CES5A: variants seen among roughly 807,000 people sequenced by gnomAD.
CES5A encodes carboxylesterase 5.
A neutral mutation model predicts 62.9 loss-of-function variants in CES5A; 67 were observed. The observed-to-expected ratio is 1.07, with a 90% confidence interval of 0.88 to 1.31. The LOEUF (loss-of-function observed/expected upper bound fraction) is 1.31. Ranked by LOEUF, CES5A falls within the 50% of genes most tolerant of loss-of-function variation. CES5A has a pLI of 0.00. For missense variants in CES5A, 748 were observed against 708.5 expected (o/e 1.06, Z -0.63); for synonymous variants, 296 against 280.8 (o/e 1.05, Z -0.54).
intron 1 of CES5A, among the ~76,000 whole-genome samples, chr16:55,919,207 C>T (rs892999358): frequency 6.6e-6 from 1 of 152,262 alleles, no homozygotes; most frequent in Non-Finnish European, 1.5e-5. Flanking sequence ...TCCCTTCCTT[C>T]ATGGCCTTCA....
intron 2 of CES5A, chr16:55,944,109 A>C: frequency 1.4e-6 from 1 of 702,136 alleles, no homozygotes. Context: ...CTGTCCAAGG[A>C]GACTTCAAGG....
chr16:55,871,380 G>A (rs564162648), intron 3 of CES5A, among the ~76,000 whole-genome samples: 2 of 152,104 alleles, frequency 1.3e-5, no homozygotes, highest in African/African-American at 2.4e-5. Flanking sequence ...CACTAAATAC[G>A]CAACAGAGGG....
chr16:55,873,238 G>T (rs1220983092), intron 2 of CES5A, among the ~76,000 whole-genome samples: 1 of 152,128 alleles, frequency 6.6e-6, no homozygotes, highest in African/African-American at 2.4e-5. Context: ...TTGGAAATCT[G>T]CAGTGACCAG....
At chr16:55,879,984 C>T (rs549369356), upstream of CES5A, among the ~76,000 whole-genome samples, 88 of 152,360 alleles carry the variant, frequency 5.8e-4, no homozygotes, top group Non-Finnish European at 1.1e-3. Flanking sequence ...GGCCTCCTCT[C>T]TAGAATCATT....
At chr16:55,899,091 A>G (rs897432070) in intron 1 of CES5A, among the ~76,000 whole-genome samples, 8 of 152,220 alleles carry the variant, frequency 5.3e-5, no homozygotes, top group African/African-American at 1.9e-4. Flanking sequence ...AGGTTTGTTT[A>G]CCACCAGCAA....
At chr16:55,874,325 C>T (rs930609246) in intron 1 of CES5A, among the ~76,000 whole-genome samples, 22 of 152,248 alleles carry the variant, frequency 1.4e-4, no homozygotes, top group African/African-American at 4.6e-4. Context: ...CTGCTGAGAG[C>T]GCTTTCTTTC....
intron 1 of CES5A, among the ~76,000 whole-genome samples, chr16:55,900,650 C>G (rs943431389): frequency 2.0e-5 from 3 of 152,152 alleles, no homozygotes; most frequent in Admixed American, 6.5e-5. Flanking sequence ...GCTGAGAAGG[C>G]CCCTGGTGAT....
At chr16:55,893,866 A>G (rs2033904946) in intron 1 of CES5A, among the ~76,000 whole-genome samples, 1 of 152,148 alleles carries the variant, frequency 6.6e-6, no homozygotes, top group Non-Finnish European at 1.5e-5. Flanking sequence ...ATATCTGAGA[A>G]TCTCAACATA....
At chr16:55,853,246 C>T (rs1277690425) in intron 9 of CES5A, among the ~76,000 whole-genome samples, 2 of 152,200 alleles carry the variant, frequency 1.3e-5, no homozygotes, top group East Asian at 3.8e-4. Flanking sequence ...CTGGAAGAAC[C>T]ATGATTCTTT....
At position 55,846,531 on chromosome 16, in the gene CES5A, A is replaced by G. The variant is rs771236888; in HGVS notation, c.1648T>C (p.Ser550Pro). Residue 550 changes from serine to proline, a missense_variant, in exon 13 of 13, where the codon TCC (serine) becomes CCC (proline). Physicochemically the swap from Ser to Pro is moderately conservative, Grantham distance 74. Transcript: ENST00000290567. Reference sequence around the variant, plus strand: ...GAAAGAGGACTGTGGAGCATGTCGGAGGCAGACAGGATCAGGGGGATGGTG... The same window carrying G: ...GAAAGAGGACTGTGGAGCATGTCGGGGGCAGACAGGATCAGGGGGATGGTG... ...TSTIPLILSA[S>P]DMLHSPLSSL... The G allele has an allele frequency of 5.0e-6, 8 of 1,614,048 alleles. No homozygotes were observed. The African/African-American group carries it at 1.1e-4, about 22-fold the overall frequency.
chr16:55,928,224 C>G (rs2034277768), upstream of CES5A, among the ~76,000 whole-genome samples: 1 of 151,672 alleles, frequency 6.6e-6, no homozygotes, highest in African/African-American at 2.4e-5. Flanking sequence ...GCCTGGGCGA[C>G]AGAGCGAGAC....
At chr16:55,884,248 C>T (rs1245202379) in intron 1 of CES5A, among the ~76,000 whole-genome samples, 2 of 152,224 alleles carry the variant, frequency 1.3e-5, no homozygotes, top group Admixed American at 6.5e-5. Context: ...TTCCCTCAGC[C>T]TTGTGCTACT....
chr16:55,897,282 A>G (rs1253294141), intron 1 of CES5A, among the ~76,000 whole-genome samples: 1 of 152,134 alleles, frequency 6.6e-6, no homozygotes, highest in Non-Finnish European at 1.5e-5. Context: ...TTAGTGGGAG[A>G]GCCAGCAGGA....
intron 10 of CES5A, among the ~76,000 whole-genome samples, chr16:55,851,051 T>C (rs1271020079): frequency 2.6e-5 from 4 of 152,204 alleles, no homozygotes; most frequent in African/African-American, 4.8e-5. Context: ...TAAGAAAATA[T>C]AGTGGTAAAT....
Position 55,881,697 on chromosome 16 carries a change from C to T in CES5A, c.-255-7660G>A, listed in dbSNP as rs80167940. ...ATCTCCTAGAATGAGGGACTCACTA[C>T]CTGATAATGTTTCCTGAGAGTGACA... On this transcript the variant is annotated intron_variant, in intron 1 of 12. Coordinates refer to the CES5A transcript ENST00000518005. 7.2e-3 allele frequency among the ~76,000 whole-genome samples: 1,103 copies of T among 152,256 alleles called. 16 individuals are homozygous for T. Among genetic ancestry groups the T allele is most frequent in the African/African-American group, 0.025 (1,053 of 41,540 alleles).
intron 2 of CES5A, among the ~76,000 whole-genome samples, chr16:55,872,376 C>T (rs76866420): frequency 1.3e-5 from 2 of 152,316 alleles, no homozygotes; most frequent in East Asian, 3.9e-4. Flanking sequence ...TGAGATTTCT[C>T]CAGTTCTACC....
chr16:55,866,073 G>T lies in CES5A; in HGVS notation c.595C>A (p.Gln199Lys). 1 of 1,614,074 alleles carries T rather than the reference G, an allele frequency of 6.2e-7. No homozygotes were observed. The highest frequency in any genetic ancestry group is 2.2e-5 in the East Asian group (1 of 44,870). ...HAPGNWAFKD[Q>K]VAALSWVQKN... ...TGGACCCAGGACAGAGCAGCCACCT[G>T]GTCCTTGAAGGCCCAGTTCCCCGGA... Residue 199 changes from glutamine (Q) to lysine (K), a missense_variant, in exon 5 of 13, where the codon CAG becomes AAG. Gln to Lys is a moderately conservative substitution (Grantham distance 53). Coordinates refer to ENST00000290567, the MANE Select transcript of CES5A (RefSeq NM_001143685.2).
intron 10 of CES5A, among the ~76,000 whole-genome samples, chr16:55,850,358 A>G (rs1317636673): frequency 6.6e-6 from 1 of 152,160 alleles, no homozygotes; most frequent in Non-Finnish European, 1.5e-5. Context: ...GAAACCTCAG[A>G]CCCATTTAGC....
intron 1 of CES5A, among the ~76,000 whole-genome samples, chr16:55,918,409 T>C (rs549013153): frequency 1.3e-5 from 2 of 152,324 alleles, no homozygotes; most frequent in South Asian, 4.1e-4. Context: ...CTTATCTCAA[T>C]TGAAATATCT....
Sources: gnomAD v4.1 joint callset for allele counts (sites outside exome capture counted in the v4.1 genomes callset) on GRCh38, gnomAD v4.1.1 for gene constraint, MANE v1.5 for transcripts, NCBI Gene and HGNC (gene_info 2026-07-23, HGNC 2026-07-21) for gene names.